The following DOCK8 variants were observed in gnomAD, a reference collection of about 807,000 sequenced individuals.
DOCK8 encodes the protein dedicator of cytokinesis protein 8.
DOCK8 carries 141 observed loss-of-function variants against 245.6 expected under a neutral mutation model. That is an observed-to-expected ratio of 0.57 (90% CI 0.50 to 0.66). The LOEUF is 0.66. DOCK8 is among the 30% of genes least tolerant of loss of function. DOCK8 has a pLI of 0.00. For synonymous variants in DOCK8, 1,168 were observed against 970.2 expected (o/e 1.20, Z -3.79); for missense variants, 2,965 against 2,603.4 (o/e 1.14, Z -3.02).
chr9:319,784 GA>G lies in DOCK8; in HGVS notation c.827+2669del, dbSNP rs533073287. Among the ~76,000 whole-genome samples the G allele has an allele frequency of 2.8e-3, 378 of 134,302 alleles. 1 individual carries two copies. The highest frequency in any genetic ancestry group is 4.0e-3 in the African/African-American group (148 of 36,882). 88.1% of individuals were successfully genotyped at this position (134,302 alleles called of 152,430 possible). A position where few individuals can be genotyped will look rare whatever the true frequency, so the allele number is the denominator to read the frequency against. On this transcript the variant is annotated intron_variant, in intron 7 of 47. Transcript: ENST00000432829. ...GCCAATTCTGCAAATGTTTGTAACAGAAAAAAAAAAAAAGAATGACAACAAA... is the reference window on the plus strand; with the variant it reads ...GCCAATTCTGCAAATGTTTGTAACAGAAAAAAAAAAAAGAATGACAACAAA...
chr9:422,208 C>G lies in DOCK8; in HGVS notation c.4241+73C>G, dbSNP rs898775700. 1.2e-5 allele frequency: 14 copies of G among 1,182,548 alleles called. No individual in the cohort carries two copies. The South Asian group carries it at 1.7e-4, about 15-fold the overall frequency. The allele number at this position is 1,182,548 out of a possible 1,614,324, so 73.3% of individuals were successfully genotyped here. A position where few individuals can be genotyped will look rare whatever the true frequency, so the allele number is the denominator to read the frequency against. On this transcript the variant is annotated intron_variant, in intron 33 of 47. Coordinates refer to ENST00000432829, the MANE Select transcript of DOCK8 (RefSeq NM_203447.4). Reference sequence around the variant, plus strand: ...TATTTTTCCCAGGCTGCTTGTATTACTGAAACAACTGCATCCTTCCAAGGG... The same window carrying G: ...TATTTTTCCCAGGCTGCTTGTATTAGTGAAACAACTGCATCCTTCCAAGGG...
intron 4 of DOCK8, among the ~76,000 whole-genome samples, chr9:303,505 CT>C (rs1433634880): frequency 2.0e-5 from 3 of 152,108 alleles, no homozygotes; most frequent in African/African-American, 7.2e-5. Flanking sequence ...ATGGATGCAG[CT>C]GGAGGCCATT....
At chr9:292,660 G>T (rs2360276) in intron 4 of DOCK8, among the ~76,000 whole-genome samples, 137,991 of 151,680 alleles carry the variant, frequency 0.91, 62,828 homozygotes, top group Admixed American at 0.93. Flanking sequence ...CACTTTTTTG[G>T]TAAAGATATT....
chr9:415,655 C>G (rs1044565456), intron 29 of DOCK8, among the ~76,000 whole-genome samples: 3 of 148,640 alleles, frequency 2.0e-5, no homozygotes, highest in Non-Finnish European at 4.4e-5. Flanking sequence ...CCTACCCTCT[C>G]CACAGCGTAC....
rs2054146249 is a variant in DOCK8, at chr9:390,541, A to G, written c.2945A>G (p.Tyr982Cys). The G allele has an allele frequency of 6.2e-7, 1 of 1,614,196 alleles. No individual in the cohort carries two copies. Among genetic ancestry groups the G allele is most frequent in the East Asian group, 2.2e-5 (1 of 44,888 alleles). The change falls in exon 24 of 48, where the codon TAT (tyrosine) becomes TGT (cysteine). Residue 982 changes from tyrosine to cysteine, a missense_variant. By Grantham distance (194) the Tyr-to-Cys change is radical. Coordinates refer to ENST00000432829, the MANE Select transcript of DOCK8 (RefSeq NM_203447.4). The part of the protein sequence containing the change: ...TGMVRETVFK[Y>C]AWFFFELLVK... The stretch of plus-strand genomic sequence containing the variant: ...ATGGTGAGAGAAACAGTCTTCAAGT[A>G]TGCCTGGTTCTTCTTTGAGCTTCTG...
chr9:359,538 G>C (rs2052618706), intron 14 of DOCK8, among the ~76,000 whole-genome samples: 1 of 152,144 alleles, frequency 6.6e-6, no homozygotes, highest in African/African-American at 2.4e-5. Context: ...CTCCTCAGCT[G>C]TTTTCCTTGC....
chr9:222,077 T>C (rs1248520901), intron 1 of DOCK8, among the ~76,000 whole-genome samples: 1 of 151,656 alleles, frequency 6.6e-6, no homozygotes, highest in Non-Finnish European at 1.5e-5. Context: ...CTGAGCAACA[T>C]AGTGAGACAC....
rs2056115147 is a variant in DOCK8, at chr9:418,212, G to A, written c.3840+5G>A. On this transcript the variant is annotated splice_donor_5th_base_variant and intron_variant, in intron 30 of 47. Transcript: ENST00000432829. ...GGAATAGTGCTGTCTTCCTTGGTAT[G>A]TTGGTGCACATGTGTCTGGTTGATT... 7.4e-6 allele frequency: 12 copies of A among 1,614,034 alleles called. No homozygotes were observed. The highest frequency in any genetic ancestry group is 1.0e-5 in the Non-Finnish European group (12 of 1,180,002).
intron 2 of DOCK8, among the ~76,000 whole-genome samples, chr9:284,057 T>C (rs1388081737): frequency 1.3e-5 from 2 of 152,208 alleles, no homozygotes; most frequent in East Asian, 1.9e-4. Context: ...GTATAAACTT[T>C]ATAGTAATGA....
chr9:227,715 A>C (rs2047020594), intron 1 of DOCK8, among the ~76,000 whole-genome samples: 3 of 152,164 alleles, frequency 2.0e-5, no homozygotes. Context: ...AGCATGGAAA[A>C]TGTTGATTAA....
chr9:215,225 C>T (rs1022589508), intron 1 of DOCK8, 196 bp downstream of exon 1: 4 of 1,553,214 alleles, frequency 2.6e-6, no homozygotes, highest in Non-Finnish European at 3.5e-6. Context: ...GCGCTGGGCC[C>T]GGCGAGGTCC....
chr9:260,133 C>G (rs562726675), intron 1 of DOCK8, among the ~76,000 whole-genome samples: 26 of 152,354 alleles, frequency 1.7e-4, no homozygotes, highest in African/African-American at 6.0e-4. Context: ...AACTTCACAT[C>G]TGCAACTGGG....
intron 4 of DOCK8, among the ~76,000 whole-genome samples, chr9:291,954 T>G (rs2049058079): frequency 6.7e-6 from 1 of 149,992 alleles, no homozygotes; most frequent in Non-Finnish European, 1.5e-5. Context: ...CCTGTAGTCC[T>G]AGCTACTCGG....
At chr9:429,125 C>T (rs1312026869) in intron 35 of DOCK8, among the ~76,000 whole-genome samples, 1 of 152,112 alleles carries the variant, frequency 6.6e-6, no homozygotes, top group Non-Finnish European at 1.5e-5. Flanking sequence ...TGCCACCGCA[C>T]CCAGCTAATT....
intron 45 of DOCK8, among the ~76,000 whole-genome samples, chr9:450,530 T>C (rs2057393863): frequency 6.6e-6 from 1 of 152,188 alleles, no homozygotes; most frequent in South Asian, 2.1e-4. Context: ...ACCAGCCTAA[T>C]ACCTCTGTCC....
chr9:317,503 A>G (rs942910398), intron 7 of DOCK8, among the ~76,000 whole-genome samples: 8 of 152,232 alleles, frequency 5.3e-5, no homozygotes, highest in African/African-American at 1.9e-4. Context: ...GTGAAGTCAC[A>G]TTGGTAACTT....
intron 11 of DOCK8, 117 bp from the exon 12 acceptor site, chr9:336,465 A>T: frequency 1.5e-6 from 2 of 1,348,680 alleles, no homozygotes; most frequent in Non-Finnish European, 2.1e-6. Flanking sequence ...CAAAACAAGG[A>T]TGGCCATATT....
chr9:276,926 A>C (rs2048368052), intron 2 of DOCK8: 1 of 284,402 alleles, frequency 3.5e-6, no homozygotes, highest in East Asian at 1.3e-4. Context: ...CTCCTGCCTC[A>C]GCCTCCCAAG....
At chr9:309,822 A>G (rs1177161074) in intron 5 of DOCK8, among the ~76,000 whole-genome samples, 2 of 152,150 alleles carry the variant, frequency 1.3e-5, no homozygotes, top group Non-Finnish European at 2.9e-5. Context: ...AAATCATCTT[A>G]TTTTCCAGTT....
Sources: allele counts gnomAD v4.1 joint callset (sites outside exome capture counted in the v4.1 genomes callset), GRCh38; gene constraint gnomAD v4.1.1; transcripts MANE v1.5; gene names NCBI Gene and HGNC (gene_info 2026-07-23, HGNC 2026-07-21).